SAMD4B: variants seen among roughly 807,000 people sequenced by gnomAD.
SAMD4B encodes the protein sterile alpha motif domain containing 4B.
SAMD4B carries 5 observed loss-of-function variants against 74.5 expected under a neutral mutation model. The ratio of observed to expected loss-of-function variants is 0.07; its 90% confidence interval spans 0.04 to 0.14. The LOEUF is 0.14. Among genes scored for constraint, SAMD4B ranks in the 10% least tolerant of loss-of-function variants. The pLI is 1.00. For missense variants in SAMD4B, 608 were observed against 921.8 expected (o/e 0.66, Z 4.41); for synonymous variants, 373 against 374.9 (o/e 1.00, Z 0.06).
At chr19:39,388,173 T>C (rs1050438744), downstream of SAMD4B, among the ~76,000 whole-genome samples, 30 of 152,074 alleles carry the variant, frequency 2.0e-4, no homozygotes, top group African/African-American at 5.6e-4. Context: ...GCTCCTCCTG[T>C]TAGAACCAAG....
Position 39,380,742 on chromosome 19 carries a change from G to A in SAMD4B, c.1805G>A (p.Arg602Gln), listed in dbSNP as rs777285428. The change falls in exon 11 of 14, where the codon CGA (arginine) becomes CAA (glutamine). Residue 602 changes from arginine (R) to glutamine (Q), a missense_variant. Arg to Gln is a conservative substitution (Grantham distance 43). Around this residue, in one of 9 missense-constraint regions of SAMD4B, gnomAD observed 167 missense variants for 193.0 expected, o/e 0.87. Transcript: ENST00000610417. ...SPSGIGGVSP[R>Q]HALTSPSLGG... ...TCGGGCATTGGGGGTGTCTCCCCTCGACATGCCCTCACCAGCCCCAGCCTT... is the reference window on the plus strand; with the variant it reads ...TCGGGCATTGGGGGTGTCTCCCCTCAACATGCCCTCACCAGCCCCAGCCTT... The A allele has an allele frequency of 1.5e-5, 24 of 1,595,628 alleles. No homozygotes were observed. Among genetic ancestry groups the A allele is most frequent in the Non-Finnish European group, 1.7e-5 (20 of 1,170,168 alleles).
chr19:39,375,897 G>C lies in SAMD4B; in HGVS notation c.907+8G>C, dbSNP rs1226673398. On this transcript the variant is annotated splice_region_variant and intron_variant, in intron 5 of 13. Coordinates refer to ENST00000610417, the MANE Select transcript of SAMD4B (RefSeq NM_001384574.2). This position sits in a 1 kb window ranked among gnomAD's most constrained non-coding sequence, Gnocchi z 4.1. The stretch of plus-strand genomic sequence containing the variant: ...ATGGCAGTGGCATGAAAGGTACATT[G>C]GGGACAGCAGCACCAGGACCCTTTT... The C allele has an allele frequency of 6.2e-7, 1 of 1,600,632 alleles. No individual in the cohort carries two copies. The highest frequency in any genetic ancestry group is 2.2e-5 in the East Asian group (1 of 44,726).
At chr19:39,345,454 TCTTTAAATTGCTG>T (rs1401148941) in intron 1 of SAMD4B, among the ~76,000 whole-genome samples, 1 of 152,194 alleles carries the variant, frequency 6.6e-6, no homozygotes, top group Admixed American at 6.5e-5. Flanking sequence ...CTTTGGTGCT[TCTTTAAATTGCTG>T]CTTCTTTGAA....
chr19:39,343,466 T>G, intron 1 of SAMD4B, among the ~76,000 whole-genome samples: 1 of 141,322 alleles, frequency 7.1e-6, no homozygotes, highest in South Asian at 2.4e-4. Flanking sequence ...GAAGACTCCA[T>G]CCCCCTCCCC....
At chr19:39,363,621 C>T (rs1013796874) in intron 3 of SAMD4B, among the ~76,000 whole-genome samples, 7 of 152,156 alleles carry the variant, frequency 4.6e-5, no homozygotes, top group African/African-American at 1.7e-4. Context: ...TACAACAATC[C>T]TGTGAGGTAG....
chr19:39,369,901 G>C lies in SAMD4B; in HGVS notation c.443G>C (p.Ser148Thr). Residue 148 changes from serine to threonine, a missense_variant, in exon 4 of 14, where the codon AGC (serine) becomes ACC (threonine). Physicochemically the swap from Ser to Thr is moderately conservative, Grantham distance 58. This residue lies in a region of SAMD4B where 153 missense variants were observed against 153.0 expected (regional missense o/e 1.00). Coordinates refer to ENST00000610417, the MANE Select transcript of SAMD4B (RefSeq NM_001384574.2). ...EDRNALALWL[S>T]HLEERLASGF... ...CGCAACGCACTGGCCCTCTGGCTGA[G>C]CCACCTGGAAGAGCGGTTGGCTAGT... 4.3e-6 allele frequency: 7 copies of C among 1,614,248 alleles called. No individual in the cohort carries two copies. The highest frequency in any genetic ancestry group is 5.9e-6 in the Non-Finnish European group (7 of 1,180,042).
At chr19:39,359,184 G>T (rs1254080073) in intron 3 of SAMD4B, among the ~76,000 whole-genome samples, 1 of 152,196 alleles carries the variant, frequency 6.6e-6, no homozygotes, top group Non-Finnish European at 1.5e-5. Flanking sequence ...GCTCCTGTGG[G>T]GCAGGCCAGT....
downstream of SAMD4B, chr19:39,389,586 C>T: frequency 1.9e-6 from 3 of 1,614,120 alleles, no homozygotes; most frequent in East Asian, 2.2e-5. The surrounding 1 kb of genome is among the most constrained non-coding windows in gnomAD (Gnocchi z 5.3). Context: ...TGAGGGAGGC[C>T]CAGGCCTGAG....
At position 39,385,268 on chromosome 19, in the gene SAMD4B, A is replaced by G; in HGVS notation, c.*1741A>G. The G allele has an allele frequency of 3.2e-6, 1 of 315,162 alleles. No individual in the cohort carries two copies. 19.5% of individuals were successfully genotyped at this position (315,162 alleles called of 1,614,324 possible). A position where few individuals can be genotyped will look rare whatever the true frequency, so the allele number is the denominator to read the frequency against. On this transcript the variant is annotated 3_prime_UTR_variant, in exon 14 of 14. Transcript: ENST00000610417. The stretch of plus-strand genomic sequence containing the variant: ...CTGCAGGAAGTGGGATGGATGGGCC[A>G]CCTCGTTTGGAATCAGCAGGGTGTC...
intron 12 of SAMD4B, among the ~76,000 whole-genome samples, chr19:39,381,786 T>C (rs1018201631): frequency 6.6e-5 from 10 of 152,162 alleles, no homozygotes; most frequent in Non-Finnish European, 1.2e-4. Context: ...ACAGAAATTA[T>C]CTGGGCATGG....
rs2077858004 is a variant in SAMD4B at position 39,379,977 on chromosome 19, G to A, written c.1542G>A (p.Glu514=). 3 of 1,613,774 alleles carry A rather than the reference G, an allele frequency of 1.9e-6. No homozygotes were observed. Among genetic ancestry groups the A allele is most frequent in the Admixed American group, 1.7e-5 (1 of 59,980 alleles). The change falls in exon 10 of 14, where the codon GAG becomes GAA. Residue 514 remains glutamate, a synonymous_variant. Coordinates refer to ENST00000610417, the MANE Select transcript of SAMD4B (RefSeq NM_001384574.2). The part of the protein sequence containing the change: ...EKCLTHEAFT[E]TQKKRLLSWK... Reference sequence around the variant, plus strand: ...CCTGCCAATTCTAGGCTTTCACGGAGACGCAGAAGAAACGGCTGCTATCCT... The same window carrying A: ...CCTGCCAATTCTAGGCTTTCACGGAAACGCAGAAGAAACGGCTGCTATCCT...
At chr19:39,358,871 C>G (rs1282699552) in intron 3 of SAMD4B, among the ~76,000 whole-genome samples, 1 of 152,182 alleles carries the variant, frequency 6.6e-6, no homozygotes, top group Non-Finnish European at 1.5e-5. Flanking sequence ...GCTGCCTGGC[C>G]TCCCTCATCT....
At chr19:39,344,121 G>A (rs2075538934) in intron 1 of SAMD4B, among the ~76,000 whole-genome samples, 3 of 150,580 alleles carry the variant, frequency 2.0e-5, no homozygotes, top group Admixed American at 1.3e-4. Context: ...GCCTTACTAA[G>A]GGACTTTTCT....
downstream of SAMD4B, chr19:39,390,209 G>A (rs529455030): frequency 8.3e-5 from 133 of 1,612,006 alleles, no homozygotes; most frequent in South Asian, 1.4e-3. Context: ...CCCCACCTCT[G>A]CTCCCAGCCC....
In SAMD4B at chr19:39,369,533, G is replaced by A. The variant is rs2077166880; in HGVS notation, c.197-122G>A. ...TATGAGGGATAAGTTTGGGAGTTAT[G>A]AAAAGAAAATCGTTATGAAAAGAAG... On this transcript the variant is annotated intron_variant, in intron 3 of 13. Coordinates refer to ENST00000610417, the MANE Select transcript of SAMD4B (RefSeq NM_001384574.2). 16 of 759,802 alleles carry A rather than the reference G, an allele frequency of 2.1e-5. No individual in the cohort carries two copies. The South Asian group carries it at 3.0e-4, about 14-fold the overall frequency. 47.1% of individuals were successfully genotyped at this position (759,802 alleles called of 1,614,324 possible).
At chr19:39,346,560 A>T (rs973409754) in intron 1 of SAMD4B, among the ~76,000 whole-genome samples, 1 of 152,222 alleles carries the variant, frequency 6.6e-6, no homozygotes, top group African/African-American at 2.4e-5. Flanking sequence ...ATGTATTCAT[A>T]GGAGGTAGGA....
At chr19:39,345,934 ACTTT>A (rs1369018780) in intron 1 of SAMD4B, among the ~76,000 whole-genome samples, 1 of 150,688 alleles carries the variant, frequency 6.6e-6, no homozygotes, top group East Asian at 1.9e-4. Flanking sequence ...TGTCTTAGGG[ACTTT>A]CTTTGTGCTG....
Position 39,360,069 on chromosome 19 carries a change from C to G in SAMD4B, c.196+2980C>G, listed in dbSNP as rs1190412205. 2.0e-5 allele frequency: 3 copies of G among 151,678 alleles called. No homozygotes were observed. The South Asian group carries it at 6.3e-4, about 32-fold the overall frequency. 9.4% of individuals were successfully genotyped at this position (151,678 alleles called of 1,614,324 possible). The stretch of plus-strand genomic sequence containing the variant: ...GGCGTCGTGGCGGGTGCCTGTAGTC[C>G]TAGCTACTCGGGAGGCTGAGGCAGG... On this transcript the variant is annotated intron_variant, in intron 3 of 13. Transcript: ENST00000610417.
downstream of SAMD4B, chr19:39,389,427 G>A (rs1229987191): frequency 6.2e-7 from 1 of 1,606,710 alleles, no homozygotes; most frequent in South Asian, 1.1e-5. This position sits in a 1 kb window ranked among gnomAD's most constrained non-coding sequence, Gnocchi z 5.3. Flanking sequence ...CTGCCCTCCT[G>A]CTTGTAGGGC....
Sources: gnomAD v4.1 joint callset for allele counts (sites outside exome capture counted in the v4.1 genomes callset) on GRCh38, gnomAD v4.1.1 for gene constraint, gnomAD v4.1.1 regional missense constraint, Gnocchi (gnomAD v3.1) non-coding constraint, MANE v1.5 for transcripts, NCBI Gene and HGNC (gene_info 2026-07-23, HGNC 2026-07-21) for gene names.